TTC28: variants seen among roughly 807,000 people sequenced by gnomAD.
TTC28 encodes tetratricopeptide repeat protein 28.
Under a neutral mutation model 198.0 loss-of-function variants are expected in TTC28, and 61 were observed. That is an observed-to-expected ratio of 0.31 (90% CI 0.25 to 0.38). The LOEUF is 0.38. Ranked by LOEUF, TTC28 falls within the 10% of genes least tolerant of loss-of-function variation. The pLI is 1.00. For synonymous variants in TTC28, 1,171 were observed against 1,297.8 expected, an observed-to-expected ratio of 0.90 and a Z score of 2.10; for missense variants, 2,678 against 3,164.0, an observed-to-expected ratio of 0.85 and a Z score of 3.69.
chr22:28,142,207 T>C (rs529417865), intron 6 of TTC28, among the ~76,000 whole-genome samples: 41 of 152,312 alleles, frequency 2.7e-4, no homozygotes, highest in African/African-American at 8.9e-4. Flanking sequence ...GCAAAGTAAG[T>C]GCCCAGTAAG....
intron 2 of TTC28, among the ~76,000 whole-genome samples, chr22:28,444,068 T>C (rs919465144): frequency 6.6e-6 from 1 of 152,178 alleles, no homozygotes; most frequent in South Asian, 2.1e-4. Context: ...AATATTTCTA[T>C]GGGGATTGAG....
intron 5 of TTC28, among the ~76,000 whole-genome samples, chr22:28,276,853 A>G (rs1186610123): frequency 1.3e-5 from 2 of 152,158 alleles, no homozygotes; most frequent in African/African-American, 4.8e-5. Flanking sequence ...TTAACTCCTT[A>G]TATGTCTAAT....
chr22:28,589,765 C>T (rs1253408724), intron 2 of TTC28, among the ~76,000 whole-genome samples: 5 of 152,092 alleles, frequency 3.3e-5, no homozygotes, highest in African/African-American at 1.2e-4. Context: ...AACGGTCGGG[C>T]ATGGTGGCTC....
At chr22:28,098,706 C>A (rs915629292) in intron 10 of TTC28, among the ~76,000 whole-genome samples, 2 of 152,156 alleles carry the variant, frequency 1.3e-5, no homozygotes, top group African/African-American at 2.4e-5. Context: ...ACCCCCAGGG[C>A]AGGCACTCAG....
At chr22:28,485,723 C>T (rs1327513728) in intron 2 of TTC28, among the ~76,000 whole-genome samples, 1 of 152,048 alleles carries the variant, frequency 6.6e-6, no homozygotes, top group Non-Finnish European at 1.5e-5. Context: ...TGTAGTCATT[C>T]TACATTTAAA....
chr22:28,672,417 C>T lies in TTC28; in HGVS notation c.102+7205G>A, dbSNP rs184853229. ...TCCTGACCTCGTGATCCACCCACCT[C>T]GGCCTCCCAAAGTGCTGGGATTACA... On this transcript the variant is annotated intron_variant, in intron 1 of 22. Transcript: ENST00000397906. Among the ~76,000 whole-genome samples, 216 of 152,210 alleles carry T rather than the reference C, an allele frequency of 1.4e-3. 3 individuals carry two copies. In the East Asian group the frequency reaches 0.027, roughly 19 times the overall value.
chr22:28,274,468 T>C (rs1932282856), intron 5 of TTC28, among the ~76,000 whole-genome samples: 1 of 152,204 alleles, frequency 6.6e-6, no homozygotes, highest in African/African-American at 2.4e-5. Flanking sequence ...TGAGATAGTC[T>C]CAGAAATAGG....
chr22:28,362,324 G>T (rs1397498908), intron 2 of TTC28, among the ~76,000 whole-genome samples: 1 of 152,054 alleles, frequency 6.6e-6, no homozygotes. Context: ...GCTGTCATCC[G>T]TGTAAGATGT....
At chr22:28,552,605 G>C (rs764951112) in intron 2 of TTC28, among the ~76,000 whole-genome samples, 10 of 152,090 alleles carry the variant, frequency 6.6e-5, no homozygotes, top group Non-Finnish European at 5.9e-5. Context: ...CTTTGGCAAA[G>C]TAAACAAAAA....
In TTC28 at chr22:28,370,160, G is replaced by A. The variant is rs775328113; in HGVS notation, c.382-63517C>T. Among the ~76,000 whole-genome samples, 8 of 152,076 alleles carry A rather than the reference G, an allele frequency of 5.3e-5. No homozygotes were observed. The East Asian group carries it at 5.8e-4, about 11-fold the overall frequency. ...TTACTCCCCATCCCTTTCCCAAGACGCCTTACTCCCTCCCTGCCTCACTGC... is the reference window on the plus strand; with the variant it reads ...TTACTCCCCATCCCTTTCCCAAGACACCTTACTCCCTCCCTGCCTCACTGC... On this transcript the variant is annotated intron_variant, in intron 2 of 22. Transcript: ENST00000397906.
intron 2 of TTC28, among the ~76,000 whole-genome samples, chr22:28,376,762 A>G (rs1327376083): frequency 6.6e-6 from 1 of 152,162 alleles, no homozygotes; most frequent in Non-Finnish European, 1.5e-5. Flanking sequence ...ACAAGGCAAA[A>G]TACTGGAATG....
At position 28,247,985 on chromosome 22, in the gene TTC28, C is replaced by T. The variant is rs139605838; in HGVS notation, c.933+48213G>A. On this transcript the variant is annotated intron_variant, in intron 5 of 22. Coordinates refer to ENST00000397906, the MANE Select transcript of TTC28 (RefSeq NM_001145418.2). Reference sequence around the variant, plus strand: ...AAGCAGCTAGTAAACCCCTTCTTTGCAAATGAATTGTGAATTGTTAACAAA... The same window carrying T: ...AAGCAGCTAGTAAACCCCTTCTTTGTAAATGAATTGTGAATTGTTAACAAA... Among the ~76,000 whole-genome samples the T allele has an allele frequency of 5.4e-4, 82 of 152,196 alleles. 1 individual carries two copies. The highest frequency in any genetic ancestry group is 1.9e-3 in the African/African-American group (78 of 41,526).
chr22:28,296,675 T>C (rs2044902715), intron 4 of TTC28, among the ~76,000 whole-genome samples: 1 of 152,194 alleles, frequency 6.6e-6, no homozygotes, highest in Admixed American at 6.5e-5. Flanking sequence ...ACCATCAGCT[T>C]GTTGGTTCAG....
intron 19 of TTC28, among the ~76,000 whole-genome samples, chr22:27,991,334 C>T (rs1160305540): frequency 9.2e-5 from 14 of 152,244 alleles, no homozygotes. Flanking sequence ...TTGTAGAACA[C>T]AGACCTCTAG....
chr22:28,335,780 G>A (rs1226827221), intron 2 of TTC28, among the ~76,000 whole-genome samples: 2 of 152,188 alleles, frequency 1.3e-5, no homozygotes, highest in Non-Finnish European at 2.9e-5. Flanking sequence ...CATGTCATCT[G>A]CAAACAGGGA....
intron 2 of TTC28, among the ~76,000 whole-genome samples, chr22:28,585,808 T>C (rs1399472831): frequency 1.3e-5 from 2 of 151,896 alleles, no homozygotes; most frequent in Non-Finnish European, 2.9e-5. Context: ...AACTCAGGAT[T>C]AAAACAATAA....
At chr22:27,996,463 A>C in intron 16 of TTC28, 3 of 707,608 alleles carry the variant, frequency 4.2e-6, no homozygotes, top group Middle Eastern at 4.2e-4. Context: ...TTTAAGAATC[A>C]ATATTGTTCA....
At chr22:28,220,606 T>C (rs917372048) in intron 5 of TTC28, among the ~76,000 whole-genome samples, 23 of 152,212 alleles carry the variant, frequency 1.5e-4, no homozygotes, top group African/African-American at 5.3e-4. Context: ...ATATAGCTAC[T>C]TGCTACCTCA....
At chr22:28,169,717 GC>G (rs1425332021) in intron 5 of TTC28, among the ~76,000 whole-genome samples, 1 of 152,000 alleles carries the variant, frequency 6.6e-6, no homozygotes, top group East Asian at 1.9e-4. Context: ...TATACCTAAT[GC>G]TAAATGACGA....
Sources: gnomAD v4.1 joint callset for allele counts (sites outside exome capture counted in the v4.1 genomes callset) on GRCh38, gnomAD v4.1.1 for gene constraint, MANE v1.5 for transcripts, NCBI Gene and HGNC (gene_info 2026-07-23, HGNC 2026-07-21) for gene names.